AGO2: variants seen among roughly 807,000 people sequenced by gnomAD.
The protein encoded by AGO2 is argonaute RISC catalytic component 2.
A neutral mutation model predicts 102.3 loss-of-function variants in AGO2; 5 were observed. That is an observed-to-expected ratio of 0.05 (90% CI 0.03 to 0.10). AGO2 has a LOEUF of 0.10. Ranked by LOEUF, AGO2 falls within the 10% of genes least tolerant of loss-of-function variation. The pLI, the probability that AGO2 is intolerant of heterozygous loss-of-function variation, is 1.00. For missense variants in AGO2, 541 were observed against 1,183.7 expected, an observed-to-expected ratio of 0.46 and a Z score of 7.97; for synonymous variants, 449 against 473.1, an observed-to-expected ratio of 0.95 and a Z score of 0.66.
Position 140,559,486 on chromosome 8 carries a change from A to G in AGO2, c.699T>C (p.Phe233=). Residue 233 remains phenylalanine, a synonymous_variant, in exon 6 of 19, where the codon TTT becomes TTC. Coordinates refer to ENST00000220592, the MANE Select transcript of AGO2 (RefSeq NM_012154.5). The part of the protein sequence containing the change: ...AFYKAQPVIE[F]VCEVLDFKSI... ...TTTTAAAATCCAAAACTTCACAAAC[A>G]AACTCGATTACTGGCTGTGCCTTGT... is the stretch of plus-strand genomic sequence containing the variant. The G allele has an allele frequency of 6.2e-7, 1 of 1,614,252 alleles. No homozygotes were observed. Among genetic ancestry groups the G allele is most frequent in the Non-Finnish European group, 8.5e-7 (1 of 1,180,042 alleles).
intron 2 of AGO2, among the ~76,000 whole-genome samples, chr8:140,575,241 G>A (rs1354629215): frequency 8.1e-6 from 1 of 123,158 alleles, no homozygotes; most frequent in Non-Finnish European, 1.8e-5. Context: ...ATCTCCCCTG[G>A]CACCTCCCTG....
chr8:140,567,934 C>T lies in AGO2; in HGVS notation c.336+4878G>A, dbSNP rs537164842. On this transcript the variant is annotated intron_variant, in intron 3 of 18. Transcript: ENST00000220592. The surrounding 1 kb of genome is among the most constrained non-coding windows in gnomAD (Gnocchi z 5.0). ...TGAGCTCAGGAGTTGCAGACCAGCC[C>T]GGGCAATGTGGCAAAACTCTGTCCC... Among the ~76,000 whole-genome samples the T allele has an allele frequency of 6.6e-5, 10 of 152,038 alleles. No individual in the cohort carries two copies. Among genetic ancestry groups the T allele is most frequent in the Middle Eastern group, 3.4e-3 (1 of 294 alleles).
intron 13 of AGO2, among the ~76,000 whole-genome samples, chr8:140,546,795 G>A (rs1476547918): frequency 6.6e-6 from 1 of 152,234 alleles, no homozygotes; most frequent in Non-Finnish European, 1.5e-5. Flanking sequence ...GCCTGTCATT[G>A]TGTGGAGACG....
intron 1 of AGO2, among the ~76,000 whole-genome samples, chr8:140,624,387 T>C (rs1402981787): frequency 1.3e-5 from 2 of 152,234 alleles, no homozygotes; most frequent in Admixed American, 1.3e-4. Context: ...TGCGTGGCAG[T>C]GACCACCTCA....
At chr8:140,545,713 C>T (rs1262828070) in intron 13 of AGO2, among the ~76,000 whole-genome samples, 1 of 152,212 alleles carries the variant, frequency 6.6e-6, no homozygotes, top group Non-Finnish European at 1.5e-5. Context: ...ACACACAGCC[C>T]AATCCCACCT....
intron 1 of AGO2, among the ~76,000 whole-genome samples, chr8:140,603,560 A>G (rs2073958544): frequency 1.3e-5 from 2 of 152,176 alleles, no homozygotes; most frequent in African/African-American, 2.4e-5. Flanking sequence ...GCCTTGGCAC[A>G]CGCACCTGCA....
intron 3 of AGO2, among the ~76,000 whole-genome samples, chr8:140,568,219 G>A (rs2073321610): frequency 6.7e-6 from 1 of 149,900 alleles, no homozygotes; most frequent in African/African-American, 2.5e-5. Context: ...GGGAGGTGGA[G>A]GTTACAGTGA....
At chr8:140,536,326 ATT>A (rs11327457) in intron 16 of AGO2, among the ~76,000 whole-genome samples, 7,228 of 139,050 alleles carry the variant, frequency 0.052, 250 homozygotes, top group African/African-American at 0.11. Flanking sequence ...CTTCTTTGCA[ATT>A]TTTTTTTTTT....
At chr8:140,568,302 A>G (rs1010381354) in intron 3 of AGO2, among the ~76,000 whole-genome samples, 5 of 140,890 alleles carry the variant, frequency 3.5e-5, no homozygotes. Flanking sequence ...AAAAAAAAAG[A>G]GAGAGCACAA....
At chr8:140,600,632 A>C (rs2133049707) in intron 1 of AGO2, among the ~76,000 whole-genome samples, 1 of 151,686 alleles carries the variant, frequency 6.6e-6, no homozygotes, top group African/African-American at 2.4e-5. Flanking sequence ...GTGAGCCGAG[A>C]TTGCACCACT....
At chr8:140,547,428 G>A (rs759061015) in intron 13 of AGO2, 40 bp downstream of exon 13, 1 of 1,602,836 alleles carries the variant, frequency 6.2e-7, no homozygotes, top group South Asian at 1.1e-5. Flanking sequence ...GTCCCACTGT[G>A]CCCTGGTCCG....
Position 140,528,040 on chromosome 8 carries a change from C to T in AGO2, c.*4004G>A, listed in dbSNP as rs946033523. On this transcript the variant is annotated 3_prime_UTR_variant, in exon 19 of 19. Transcript: ENST00000220592. This position sits in a 1 kb window ranked among gnomAD's most constrained non-coding sequence, Gnocchi z 4.5. ...CTGACGTGTGGCCGGTCTATCCTAG[C>T]GTATTGTATCAAATATATAATTTGA... 71 of 152,194 alleles carry T rather than the reference C, an allele frequency of 4.7e-4. 1 individual carries two copies. Among genetic ancestry groups the T allele is most frequent in the Admixed American group, 4.6e-3 (70 of 15,282 alleles). 9.4% of individuals were successfully genotyped at this position (152,194 alleles called of 1,614,324 possible).
intron 4 of AGO2, among the ~76,000 whole-genome samples, chr8:140,562,017 TAA>T (rs1228264585): frequency 6.6e-6 from 1 of 152,094 alleles, no homozygotes; most frequent in Non-Finnish European, 1.5e-5. Context: ...CCATTTGTGG[TAA>T]AAGAGTAATC....
intron 16 of AGO2, among the ~76,000 whole-genome samples, chr8:140,536,810 G>A (rs956704620): frequency 1.4e-4 from 22 of 152,338 alleles, no homozygotes; most frequent in African/African-American, 5.1e-4. Context: ...CGGGGAGGAA[G>A]GGGGACAGGG....
chr8:140,618,144 A>C (rs1437118920), intron 1 of AGO2, among the ~76,000 whole-genome samples: 1 of 152,058 alleles, frequency 6.6e-6, no homozygotes, highest in African/African-American at 2.4e-5. Context: ...AACACGGTGA[A>C]ACCCCGTCTC....
chr8:140,533,247 G>C (rs1207373273), intron 17 of AGO2, among the ~76,000 whole-genome samples: 1 of 150,992 alleles, frequency 6.6e-6, no homozygotes, highest in Non-Finnish European at 1.5e-5. Context: ...AAATTAGCCA[G>C]GCGTGGTGGC....
At position 140,530,622 on chromosome 8, in the gene AGO2, T is replaced by C. The variant is rs1464149123; in HGVS notation, c.*1422A>G. The C allele has an allele frequency of 1.3e-5, 2 of 152,266 alleles. No individual in the cohort carries two copies. Among genetic ancestry groups the C allele is most frequent in the African/African-American group, 4.8e-5 (2 of 41,458 alleles). The allele number at this position is 152,266 out of a possible 1,614,324, so 9.4% of individuals were successfully genotyped here. A position where few individuals can be genotyped will look rare whatever the true frequency, so the allele number is the denominator to read the frequency against. On this transcript the variant is annotated 3_prime_UTR_variant, in exon 19 of 19. Transcript: ENST00000220592. ...CAGTTTCTAGATTGGCAAACCCAAGTCTGGGGCCCCAAATGCAAACCCCAG... is the reference window on the plus strand; with the variant it reads ...CAGTTTCTAGATTGGCAAACCCAAGCCTGGGGCCCCAAATGCAAACCCCAG...
chr8:140,565,589 C>T (rs1205567486), intron 3 of AGO2, among the ~76,000 whole-genome samples: 6 of 150,412 alleles, frequency 4.0e-5, no homozygotes, highest in East Asian at 1.9e-4. Context: ...TGCAGTGAGC[C>T]GAGACAGCAC....
At position 140,567,642 on chromosome 8, in the gene AGO2, G is replaced by A. The variant is rs2073308931; in HGVS notation, c.337-5008C>T. Among the ~76,000 whole-genome samples the A allele has an allele frequency of 6.6e-6, 1 of 152,220 alleles. No homozygotes were observed. Among genetic ancestry groups the A allele is most frequent in the African/African-American group, 2.4e-5 (1 of 41,460 alleles). ...TGAACATGGATAATAGAAAATGTCA[G>A]CCCAGGACTCGATCCAAGGCCTGGA... On this transcript the variant is annotated intron_variant, in intron 3 of 18. Transcript: ENST00000220592. This position sits in a 1 kb window ranked among gnomAD's most constrained non-coding sequence, Gnocchi z 5.0.
Sources: gnomAD v4.1 joint callset for allele counts (sites outside exome capture counted in the v4.1 genomes callset) on GRCh38, gnomAD v4.1.1 for gene constraint, Gnocchi (gnomAD v3.1) non-coding constraint, MANE v1.5 for transcripts, NCBI Gene and HGNC (gene_info 2026-07-23, HGNC 2026-07-21) for gene names.